The following STXBP5L variants were observed in gnomAD, a reference collection of about 807,000 sequenced individuals.
STXBP5L encodes the protein syntaxin-binding protein 5-like.
Under a neutral mutation model 144.5 loss-of-function variants are expected in STXBP5L, and 65 were observed. The observed-to-expected ratio is 0.45, with a 90% CI of 0.37 to 0.55. STXBP5L has a LOEUF of 0.55. Among genes scored for constraint, STXBP5L ranks in the 20% least tolerant of loss-of-function variants. The pLI is 0.00. For synonymous variants in STXBP5L, 505 were observed against 469.6 expected (o/e 1.08, Z -0.97); for missense variants, 1,298 against 1,405.5 (o/e 0.92, Z 1.22).
chr3:121,320,501 T>A (rs1446492348), intron 20 of STXBP5L, among the ~76,000 whole-genome samples: 2 of 152,084 alleles, frequency 1.3e-5, no homozygotes, highest in East Asian at 1.9e-4. Context: ...CAATACAATG[T>A]TGAATAGATG....
At chr3:121,181,696 C>T (rs1468728646) in intron 9 of STXBP5L, among the ~76,000 whole-genome samples, 7 of 152,080 alleles carry the variant, frequency 4.6e-5, no homozygotes, top group Admixed American at 4.6e-4. Context: ...TGAGATTGTG[C>T]CACTGCACTC....
chr3:121,005,681 G>T (rs1031711636), intron 3 of STXBP5L, among the ~76,000 whole-genome samples: 34 of 152,044 alleles, frequency 2.2e-4, no homozygotes, highest in African/African-American at 7.7e-4. Flanking sequence ...TTTCTCTTGT[G>T]GGCGTTTAGT....
At chr3:121,125,683 C>T (rs376211815) in intron 7 of STXBP5L, among the ~76,000 whole-genome samples, 149 of 152,222 alleles carry the variant, frequency 9.8e-4, no homozygotes, top group African/African-American at 3.4e-3. Context: ...TCCCAAACAA[C>T]GGCTGTTTGC....
At chr3:121,268,108 C>T (rs567550565) in intron 18 of STXBP5L, among the ~76,000 whole-genome samples, 3 of 152,288 alleles carry the variant, frequency 2.0e-5, no homozygotes, top group South Asian at 4.1e-4. Flanking sequence ...CACATGCACA[C>T]ATGTGTTTAT....
chr3:121,253,679 A>C (rs1332317233), intron 15 of STXBP5L, among the ~76,000 whole-genome samples: 1 of 149,878 alleles, frequency 6.7e-6, no homozygotes, highest in Non-Finnish European at 1.5e-5. Flanking sequence ...CCCAAGCTGG[A>C]GTGCAGTGGC....
chr3:121,114,409 T>C (rs989097986), intron 5 of STXBP5L, among the ~76,000 whole-genome samples: 1 of 152,210 alleles, frequency 6.6e-6, no homozygotes. Flanking sequence ...AACTCTGAAA[T>C]TTATGTTTTG....
chr3:121,070,099 G>A (rs962205427), intron 5 of STXBP5L, among the ~76,000 whole-genome samples: 4 of 152,182 alleles, frequency 2.6e-5, no homozygotes, highest in African/African-American at 7.2e-5. Context: ...AAAGGTTCAG[G>A]AAAGTTTATT....
At chr3:120,996,028 A>T (rs2108004882) in intron 3 of STXBP5L, among the ~76,000 whole-genome samples, 1 of 152,194 alleles carries the variant, frequency 6.6e-6, no homozygotes, top group Non-Finnish European at 1.5e-5. Context: ...TTCTGGGTGT[A>T]GAATACACAA....
chr3:121,055,742 C>T (rs1048507029), intron 5 of STXBP5L, among the ~76,000 whole-genome samples: 5 of 151,986 alleles, frequency 3.3e-5, no homozygotes, highest in Non-Finnish European at 5.9e-5. Context: ...ACTCTGTCAC[C>T]TAAGCTGGAG....
At chr3:120,910,614 T>C (rs1708781732) in intron 2 of STXBP5L, among the ~76,000 whole-genome samples, 1 of 152,132 alleles carries the variant, frequency 6.6e-6, no homozygotes, top group Non-Finnish European at 1.5e-5. Flanking sequence ...TGTAAATGTG[T>C]TTGGCTACAT....
chr3:121,175,084 G>A (rs2046880523), intron 9 of STXBP5L, among the ~76,000 whole-genome samples: 1 of 152,080 alleles, frequency 6.6e-6, no homozygotes, highest in Admixed American at 6.6e-5. Context: ...AGAGAACACT[G>A]TATCTACTGT....
At chr3:121,405,870 A>G (rs1448698433) in intron 22 of STXBP5L, among the ~76,000 whole-genome samples, 1 of 152,118 alleles carries the variant, frequency 6.6e-6, no homozygotes, top group Non-Finnish European at 1.5e-5. Flanking sequence ...TGAGAAATTC[A>G]TTTTGATGCT....
At position 121,378,887 on chromosome 3, in the gene STXBP5L, G is replaced by T. The variant is rs1224876282; in HGVS notation, c.2347+1G>T. The T allele has an allele frequency of 6.2e-7, 1 of 1,611,764 alleles. No individual in the cohort carries two copies. Among genetic ancestry groups the T allele is most frequent in the Non-Finnish European group, 8.5e-7 (1 of 1,178,792 alleles). ...ATTTCTTTACCAGTTACAACAGAAG[G>T]TATGTTAAACATATTAAATTTTTTT... On this transcript the variant is annotated splice_donor_variant, in intron 21 of 26. Coordinates refer to ENST00000471454, the MANE Select transcript of STXBP5L (RefSeq NM_001308330.2). LOFTEE classifies it high-confidence loss of function.
chr3:121,270,419 C>A (rs1001120396), intron 18 of STXBP5L, among the ~76,000 whole-genome samples: 3 of 151,910 alleles, frequency 2.0e-5, no homozygotes, highest in Admixed American at 6.6e-5. Context: ...TTTTAGTTTT[C>A]ATTTCTTCTT....
chr3:121,073,732 G>T (rs1456183343), intron 5 of STXBP5L, among the ~76,000 whole-genome samples: 2 of 152,022 alleles, frequency 1.3e-5, no homozygotes, highest in Non-Finnish European at 2.9e-5. Context: ...CCCAGCTTTG[G>T]TAGCCTTATA....
intron 20 of STXBP5L, among the ~76,000 whole-genome samples, chr3:121,319,600 A>T (rs1412812610): frequency 1.3e-5 from 2 of 152,132 alleles, no homozygotes; most frequent in Non-Finnish European, 2.9e-5. Flanking sequence ...ATTGACACCA[A>T]CCCAATTTAG....
chr3:121,087,608 A>G (rs765109727), intron 5 of STXBP5L, among the ~76,000 whole-genome samples: 5 of 152,030 alleles, frequency 3.3e-5, no homozygotes, highest in Non-Finnish European at 7.4e-5. Flanking sequence ...TAGTTGGGTC[A>G]TGGTTTTTAA....
At chr3:121,234,703 G>T (rs1334108664) in intron 12 of STXBP5L, among the ~76,000 whole-genome samples, 4 of 151,680 alleles carry the variant, frequency 2.6e-5, no homozygotes, top group African/African-American at 9.7e-5. Context: ...TATTGTTCTC[G>T]GTGTTTGGAA....
intron 2 of STXBP5L, among the ~76,000 whole-genome samples, chr3:120,940,973 G>A (rs1165868749): frequency 6.6e-6 from 1 of 151,616 alleles, no homozygotes; most frequent in African/African-American, 2.4e-5. Context: ...TTTAGAGATG[G>A]TAAATGAATT....
Sources: allele counts gnomAD v4.1 joint callset (sites outside exome capture counted in the v4.1 genomes callset), GRCh38; gene constraint gnomAD v4.1.1; transcripts MANE v1.5; gene names NCBI Gene and HGNC (gene_info 2026-07-23, HGNC 2026-07-21).